Variants in SPECC1 observed in about 807,000 individuals in gnomAD.
SPECC1 encodes cytospin-B.
SPECC1 carries 62 observed loss-of-function variants against 104.1 expected under a neutral mutation model. The ratio of observed to expected loss-of-function variants is 0.60; its 90% confidence interval spans 0.49 to 0.74. The LOEUF (loss-of-function observed/expected upper bound fraction) is 0.74. SPECC1 is among the 30% of genes least tolerant of loss of function. The pLI is 0.00. For synonymous variants in SPECC1, 513 were observed against 501.6 expected (o/e 1.02, Z -0.30); for missense variants, 1,306 against 1,310.5 (o/e 1.00, Z 0.05).
chr17:20,018,096 T>C (rs2044219485), intron 1 of SPECC1: 1 of 152,342 alleles, frequency 6.6e-6, no homozygotes, highest in Non-Finnish European at 1.5e-5. Context: ...AGACTGCAGT[T>C]CCCCAGGTAA....
intron 12 of SPECC1, among the ~76,000 whole-genome samples, chr17:20,288,700 G>A (rs1038484973): frequency 6.6e-6 from 1 of 151,514 alleles, no homozygotes; most frequent in African/African-American, 2.4e-5. Context: ...AAGAAAAAGA[G>A]GATTAATTGG....
chr17:20,022,163 G>A (rs142294734), intron 1 of SPECC1, among the ~76,000 whole-genome samples: 10,692 of 151,354 alleles, frequency 0.071, 1,000 homozygotes, highest in African/African-American at 0.22. Context: ...GGATGGTCTC[G>A]ATCTCCTGAC....
chr17:20,197,929 A>AT (rs933370543), intron 3 of SPECC1, among the ~76,000 whole-genome samples: 10 of 152,248 alleles, frequency 6.6e-5, no homozygotes, highest in South Asian at 4.1e-4. Flanking sequence ...ATAAATACTG[A>AT]TTTTTCCCCC....
At chr17:20,187,279 C>T (rs570819787) in intron 3 of SPECC1, among the ~76,000 whole-genome samples, 1 of 152,246 alleles carries the variant, frequency 6.6e-6, no homozygotes, top group Non-Finnish European at 1.5e-5. Flanking sequence ...GGTTGACTTC[C>T]CAGCATTTAA....
At chr17:20,141,219 C>T (rs2030754895) in intron 3 of SPECC1, among the ~76,000 whole-genome samples, 1 of 152,194 alleles carries the variant, frequency 6.6e-6, no homozygotes, top group Non-Finnish European at 1.5e-5. Flanking sequence ...CTGCAGCACC[C>T]CATGTGTATT....
intron 1 of SPECC1, among the ~76,000 whole-genome samples, chr17:20,012,749 T>A (rs2043986521): frequency 6.6e-6 from 1 of 152,106 alleles, no homozygotes; most frequent in Non-Finnish European, 1.5e-5. Context: ...TTTTTACCAT[T>A]TACTACTTTT....
intron 1 of SPECC1, among the ~76,000 whole-genome samples, chr17:20,073,017 G>C (rs2046618500): frequency 6.6e-6 from 1 of 152,240 alleles, no homozygotes; most frequent in African/African-American, 2.4e-5. Flanking sequence ...GGCTTTGTGA[G>C]GATGCCCATA....
chr17:20,212,877 T>G (rs928020211), intron 4 of SPECC1, among the ~76,000 whole-genome samples: 7 of 152,242 alleles, frequency 4.6e-5, no homozygotes, highest in African/African-American at 1.4e-4. Context: ...TATTATATTT[T>G]AATAACAGCA....
chr17:20,284,925 C>G (rs192462003), intron 12 of SPECC1, among the ~76,000 whole-genome samples: 137 of 152,228 alleles, frequency 9.0e-4, no homozygotes, highest in Non-Finnish European at 1.5e-3. Context: ...TTCTTTTTGA[C>G]TTTTGCAGTT....
At position 20,204,723 on chromosome 17, in the gene SPECC1, T is replaced by C. The variant is rs747554588; in HGVS notation, c.674T>C (p.Met225Thr). The change falls in exon 4 of 15, where the codon ATG (methionine) becomes ACG (threonine). Residue 225 changes from methionine to threonine, a missense_variant. Physicochemically the swap from Met to Thr is moderately conservative, Grantham distance 81. Transcript: ENST00000395527. ...GTCTCCCCAGGTGACACGGAACCTA[T>C]GATAAGAGCTCTTGAGGAGAAGAAC... ...TSVSPGDTEP[M>T]IRALEEKNKN... 3.1e-6 allele frequency: 5 copies of C among 1,613,924 alleles called. No individual in the cohort carries two copies. In the African/African-American group the frequency reaches 5.3e-5, roughly 17 times the overall value.
At chr17:20,073,125 T>C (rs914975233) in intron 1 of SPECC1, among the ~76,000 whole-genome samples, 16 of 152,198 alleles carry the variant, frequency 1.1e-4, no homozygotes, top group Non-Finnish European at 1.8e-4. Context: ...GAGTTTCCGA[T>C]GCCTACCTTT....
At chr17:20,260,903 T>C (rs1302861262) in intron 12 of SPECC1, among the ~76,000 whole-genome samples, 2 of 152,078 alleles carry the variant, frequency 1.3e-5, no homozygotes, top group Non-Finnish European at 2.9e-5. Flanking sequence ...AGTGTTCTGG[T>C]TGGTGGCAGC....
At chr17:20,276,936 A>G (rs2040594124) in intron 12 of SPECC1, among the ~76,000 whole-genome samples, 1 of 152,220 alleles carries the variant, frequency 6.6e-6, no homozygotes, top group Non-Finnish European at 1.5e-5. Context: ...GCCATGGGCA[A>G]GGGCCAAGTC....
chr17:20,276,432 C>T (rs1219944504), intron 12 of SPECC1, among the ~76,000 whole-genome samples: 1 of 152,188 alleles, frequency 6.6e-6, no homozygotes, highest in Non-Finnish European at 1.5e-5. Context: ...CCTTTATTTT[C>T]AGCCTTTCTT....
At chr17:20,235,718 A>G (rs1224972229) in intron 7 of SPECC1, among the ~76,000 whole-genome samples, 1 of 152,262 alleles carries the variant, frequency 6.6e-6, no homozygotes, top group Non-Finnish European at 1.5e-5. Context: ...TGTCTGTCAT[A>G]TAACACCAAT....
chr17:20,253,992 A>C (rs558944129), intron 10 of SPECC1, among the ~76,000 whole-genome samples: 1 of 152,098 alleles, frequency 6.6e-6, no homozygotes, highest in Non-Finnish European at 1.5e-5. Context: ...GAACCTCAAG[A>C]GCATATTTTC....
At chr17:20,243,452 T>G (rs1318707163) in intron 7 of SPECC1, among the ~76,000 whole-genome samples, 1 of 152,204 alleles carries the variant, frequency 6.6e-6, no homozygotes, top group East Asian at 1.9e-4. Context: ...ATTTTCAGCC[T>G]CATTTATGAT....
At chr17:20,116,802 A>ATTT (rs2048777804) in intron 3 of SPECC1, among the ~76,000 whole-genome samples, 17 of 62,116 alleles carry the variant, frequency 2.7e-4, no homozygotes, top group South Asian at 4.6e-4. Flanking sequence ...GTGTCTGGAG[A>ATTT]CTTTTTTTTT....
chr17:20,061,373 A>G (rs374356300), intron 1 of SPECC1, among the ~76,000 whole-genome samples: 5 of 152,280 alleles, frequency 3.3e-5, no homozygotes, highest in Admixed American at 6.5e-5. Context: ...TACTTGGCCC[A>G]TTTGTTTCTT....
Sources: allele counts gnomAD v4.1 joint callset (sites outside exome capture counted in the v4.1 genomes callset), GRCh38; gene constraint gnomAD v4.1.1; transcripts MANE v1.5; gene names NCBI Gene and HGNC (gene_info 2026-07-23, HGNC 2026-07-21).